The following FSTL5 variants were observed in gnomAD, a reference collection of about 807,000 sequenced individuals.
FSTL5 encodes follistatin-related protein 5.
In FSTL5, 62 loss-of-function variants were observed where a neutral mutation model predicts 89.1. That is an observed-to-expected ratio of 0.70 (90% CI 0.57 to 0.86). The LOEUF is 0.86. FSTL5 is among the 40% of genes least tolerant of loss of function. The probability of loss-of-function intolerance (pLI) is 0.00; values close to 1 mark genes in which losing one functional copy is unlikely to be tolerated. For synonymous variants in FSTL5, 383 were observed against 346.2 expected (o/e 1.11, Z -1.18); for missense variants, 1,057 against 1,001.6 (o/e 1.06, Z -0.75).
chr4:162,142,538 T>G (rs572923392), intron 1 of FSTL5, among the ~76,000 whole-genome samples: 1 of 152,132 alleles, frequency 6.6e-6, no homozygotes, highest in South Asian at 2.1e-4. Flanking sequence ...AATCGTGATC[T>G]AGAGAGTTTT....
intron 7 of FSTL5, among the ~76,000 whole-genome samples, chr4:161,602,319 G>A (rs1336621385): frequency 6.6e-6 from 1 of 150,486 alleles, no homozygotes; most frequent in Non-Finnish European, 1.5e-5. Context: ...GCCCTTGGAA[G>A]ACTTATCAGT....
chr4:161,573,555 A>G (rs1182907469), intron 8 of FSTL5, among the ~76,000 whole-genome samples: 1 of 135,606 alleles, frequency 7.4e-6, no homozygotes, highest in Non-Finnish European at 1.6e-5. Flanking sequence ...GACCAACATG[A>G]GAAACCCGTC....
intron 4 of FSTL5, among the ~76,000 whole-genome samples, chr4:161,790,869 A>G (rs896451144): frequency 6.6e-6 from 1 of 152,134 alleles, no homozygotes; most frequent in Non-Finnish European, 1.5e-5. Context: ...AGAAAGGAGC[A>G]CCTGATCCCA....
At chr4:161,524,628 T>A (rs1441982394) in intron 10 of FSTL5, among the ~76,000 whole-genome samples, 1 of 152,174 alleles carries the variant, frequency 6.6e-6, no homozygotes, top group Admixed American at 6.5e-5. Flanking sequence ...TTTTTTATGA[T>A]GATATATTAC....
At chr4:161,915,608 A>G (rs1733816815) in intron 4 of FSTL5, among the ~76,000 whole-genome samples, 1 of 152,184 alleles carries the variant, frequency 6.6e-6, no homozygotes, top group South Asian at 2.1e-4. Context: ...ATAAGGGATT[A>G]ATAAAATTGT....
intron 7 of FSTL5, among the ~76,000 whole-genome samples, 155 bp downstream of exon 7, chr4:161,656,173 G>C (rs113795601): frequency 2.6e-5 from 4 of 152,158 alleles, no homozygotes; most frequent in South Asian, 4.1e-4. Context: ...AGGACCTATA[G>C]TGCACCTCTC....
chr4:161,518,448 C>G (rs1730915346), intron 10 of FSTL5, among the ~76,000 whole-genome samples: 1 of 152,070 alleles, frequency 6.6e-6, no homozygotes, highest in African/African-American at 2.4e-5. Context: ...GAAGAAGAGT[C>G]CACACAACCC....
At chr4:161,999,628 T>C (rs983944252) in intron 3 of FSTL5, among the ~76,000 whole-genome samples, 1 of 152,196 alleles carries the variant, frequency 6.6e-6, no homozygotes, top group Admixed American at 6.5e-5. Context: ...ACCTTACATA[T>C]ATGTAAATGA....
intron 4 of FSTL5, among the ~76,000 whole-genome samples, chr4:161,859,786 T>A (rs1731841529): frequency 1.3e-5 from 2 of 152,146 alleles, no homozygotes; most frequent in Admixed American, 1.3e-4. Context: ...TAAGTGCTAT[T>A]ATGTTCATGT....
chr4:161,649,872 C>A (rs1173616954), intron 7 of FSTL5, among the ~76,000 whole-genome samples: 1 of 152,124 alleles, frequency 6.6e-6, no homozygotes, highest in African/African-American at 2.4e-5. Context: ...CGCTACGGAA[C>A]TGGAATACAG....
chr4:161,553,895 C>A (rs80090874), intron 8 of FSTL5, among the ~76,000 whole-genome samples: 1 of 151,554 alleles, frequency 6.6e-6, no homozygotes, highest in African/African-American at 2.4e-5. Flanking sequence ...AGTTTAAAAA[C>A]GACATCATCA....
intron 8 of FSTL5, among the ~76,000 whole-genome samples, chr4:161,585,626 T>C (rs543231434): frequency 4.9e-4 from 74 of 150,158 alleles, no homozygotes; most frequent in Non-Finnish European, 3.0e-4. Flanking sequence ...TTAATCTTGT[T>C]GAATAGGCAA....
chr4:161,536,436 C>T (rs1293746332), intron 10 of FSTL5, among the ~76,000 whole-genome samples: 1 of 152,040 alleles, frequency 6.6e-6, no homozygotes, highest in Admixed American at 6.6e-5. Context: ...TTTTGGTTTT[C>T]TTTTGTTATA....
chr4:161,405,542 T>G (rs2110919660), intron 15 of FSTL5, among the ~76,000 whole-genome samples: 1 of 152,200 alleles, frequency 6.6e-6, no homozygotes, highest in South Asian at 2.1e-4. Context: ...AAATGGAGGC[T>G]AAAAGACCTA....
At position 161,385,716 on chromosome 4, in the gene FSTL5, C is replaced by A. The variant is rs373898553; in HGVS notation, c.*31G>T. The A allele has an allele frequency of 1.4e-6, 2 of 1,406,668 alleles. No individual in the cohort carries two copies. Among genetic ancestry groups the A allele is most frequent in the South Asian group, 2.7e-5 (2 of 74,092 alleles). 87.1% of individuals were successfully genotyped at this position (1,406,668 alleles called of 1,614,324 possible). On this transcript the variant is annotated 3_prime_UTR_variant, in exon 16 of 16. Transcript: ENST00000306100. The stretch of plus-strand genomic sequence containing the variant: ...GGATTAAGTGCAATGTATTGTAAAA[C>A]GCTTCATTCAATAATTGTATCGTAG...
Position 161,771,170 on chromosome 4 carries a change from T to C in FSTL5, c.606+4708A>G, listed in dbSNP as rs565404527. Among the ~76,000 whole-genome samples, 238 of 152,172 alleles carry C rather than the reference T, an allele frequency of 1.6e-3. 11 individuals carry two copies. The South Asian group carries it at 0.048, about 31-fold the overall frequency. On this transcript the variant is annotated intron_variant, in intron 5 of 15. Coordinates refer to ENST00000306100, the MANE Select transcript of FSTL5 (RefSeq NM_020116.5). ...GTATTTGTTTTGTTCTTATGCACTATCCAACTGTAAGCATTACAAAATATT... is the reference window on the plus strand; with the variant it reads ...GTATTTGTTTTGTTCTTATGCACTACCCAACTGTAAGCATTACAAAATATT...
intron 2 of FSTL5, among the ~76,000 whole-genome samples, chr4:162,050,631 A>T (rs1738348739): frequency 6.6e-6 from 1 of 151,078 alleles, no homozygotes; most frequent in Non-Finnish European, 1.5e-5. Flanking sequence ...GAATTTGACA[A>T]GAAAATAATT....
intron 4 of FSTL5, among the ~76,000 whole-genome samples, chr4:161,798,091 G>C (rs1283790323): frequency 6.6e-6 from 1 of 151,592 alleles, no homozygotes; most frequent in Non-Finnish European, 1.5e-5. Context: ...TAATGGAATA[G>C]CTCTATTCTT....
chr4:161,409,276 G>A (rs539306696), intron 15 of FSTL5, among the ~76,000 whole-genome samples: 69 of 152,228 alleles, frequency 4.5e-4, no homozygotes, highest in Non-Finnish European at 7.9e-4. Flanking sequence ...TTAAAGAAAA[G>A]AAATTTCAAT....
Sources: gnomAD v4.1 joint callset for allele counts (sites outside exome capture counted in the v4.1 genomes callset) on GRCh38, gnomAD v4.1.1 for gene constraint, MANE v1.5 for transcripts, NCBI Gene and HGNC (gene_info 2026-07-23, HGNC 2026-07-21) for gene names.